CRACR2A: variants seen among roughly 807,000 people sequenced by gnomAD.
CRACR2A encodes the protein EF-hand calcium-binding domain-containing protein 4B.
Under a neutral mutation model 90.5 loss-of-function variants are expected in CRACR2A, and 79 were observed. That is an observed-to-expected ratio of 0.87 (90% CI 0.73 to 1.05). CRACR2A has a LOEUF of 1.05. CRACR2A is among the 50% of genes least tolerant of loss of function. The pLI is 0.00. For synonymous variants in CRACR2A, 338 were observed against 356.7 expected (o/e 0.95, Z 0.59); for missense variants, 823 against 897.2 (o/e 0.92, Z 1.06).
At chr12:3,748,761 C>A (rs1259307713) in intron 1 of CRACR2A, among the ~76,000 whole-genome samples, 2 of 152,206 alleles carry the variant, frequency 1.3e-5, no homozygotes, top group African/African-American at 2.4e-5. Context: ...GCACTGTGTA[C>A]AAGGTGTGGA....
At chr12:3,702,989 G>GT (rs755785759) in intron 3 of CRACR2A, among the ~76,000 whole-genome samples, 6 of 152,208 alleles carry the variant, frequency 3.9e-5, no homozygotes, top group Non-Finnish European at 7.3e-5. Flanking sequence ...ATAGACCCAT[G>GT]TATATAAATG....
intron 1 of CRACR2A, among the ~76,000 whole-genome samples, chr12:3,748,996 C>G (rs1438079891): frequency 2.0e-5 from 3 of 152,238 alleles, no homozygotes; most frequent in African/African-American, 7.2e-5. Context: ...ATAACGCTTA[C>G]AGTGCAGGCT....
chr12:3,640,692 T>C, intron 13 of CRACR2A: 1 of 1,305,420 alleles, frequency 7.7e-7, no homozygotes, highest in South Asian at 1.2e-5. Flanking sequence ...CCGCTTTGCA[T>C]ATCTTTTTCA....
intron 2 of CRACR2A, chr12:3,725,763 G>A (rs958442921): frequency 6.6e-6 from 1 of 152,202 alleles, no homozygotes; most frequent in African/African-American, 2.4e-5. Context: ...AATTAAATAA[G>A]TATTTTCTTT....
intron 15 of CRACR2A, among the ~76,000 whole-genome samples, chr12:3,628,012 TCCCTCC>T (rs1944298927): frequency 3.0e-5 from 2 of 66,338 alleles, no homozygotes; most frequent in African/African-American, 5.8e-5. Context: ...CCTCCCTCCC[TCCCTCC>T]CTCTCTCCTT....
At chr12:3,748,265 G>T (rs1029465622) in intron 1 of CRACR2A, among the ~76,000 whole-genome samples, 7 of 152,096 alleles carry the variant, frequency 4.6e-5, no homozygotes, top group Non-Finnish European at 8.8e-5. Flanking sequence ...GAGGCCCTTG[G>T]AATCTGAACC....
chr12:3,696,223 C>A (rs915913626), intron 4 of CRACR2A, among the ~76,000 whole-genome samples: 15 of 152,202 alleles, frequency 9.9e-5, no homozygotes, highest in African/African-American at 3.6e-4. Flanking sequence ...ATTCTCTGGA[C>A]CTTTATGAAA....
At position 3,677,456 on chromosome 12, in the gene CRACR2A, C is replaced by G. The variant is rs117560930; in HGVS notation, c.524+1459G>C. 1.6e-4 allele frequency among the ~76,000 whole-genome samples: 25 copies of G among 152,318 alleles called. No individual in the cohort carries two copies. In the East Asian group the frequency reaches 4.8e-3, roughly 29 times the overall value. ...GTTCTGCACTGCCTTACTATAGGTC[C>G]TCAGAGTCACGTCTGGTGGACTCTA... On this transcript the variant is annotated intron_variant, in intron 6 of 19. Transcript: ENST00000440314.
At chr12:3,725,852 T>G (rs779790575) in intron 2 of CRACR2A, 3 of 152,228 alleles carry the variant, frequency 2.0e-5, no homozygotes, top group Non-Finnish European at 2.9e-5. Context: ...CGGACAGTAC[T>G]TCATTGAAGA....
chr12:3,624,120 C>T (rs1414191633), intron 17 of CRACR2A, among the ~76,000 whole-genome samples: 3 of 152,208 alleles, frequency 2.0e-5, no homozygotes, highest in Admixed American at 6.5e-5. Context: ...TCTGTTCCCA[C>T]CCCACACAAC....
At chr12:3,659,455 G>A in intron 8 of CRACR2A, 109 bp downstream of exon 8, 1 of 815,122 alleles carries the variant, frequency 1.2e-6, no homozygotes, top group South Asian at 1.6e-5. Context: ...AGCAGAGAAA[G>A]AGGGAATCAA....
chr12:3,633,305 G>A lies in CRACR2A; in HGVS notation c.1735+299C>T, dbSNP rs1944406410. Among the ~76,000 whole-genome samples, 1 of 152,090 alleles carries A rather than the reference G, an allele frequency of 6.6e-6. No individual in the cohort carries two copies. Among genetic ancestry groups the A allele is most frequent in the Non-Finnish European group, 1.5e-5 (1 of 68,006 alleles). On this transcript the variant is annotated intron_variant, in intron 15 of 19. Transcript: ENST00000440314. The surrounding 1 kb of genome is among the most constrained non-coding windows in gnomAD (Gnocchi z 4.5). ...AGGAGGGGGTACTCATTGAAGAGGG[G>A]AAGGGGACCCAAATCTACCTTTACC... is the stretch of plus-strand genomic sequence containing the variant.
intron 6 of CRACR2A, among the ~76,000 whole-genome samples, chr12:3,677,997 C>T (rs1219544786): frequency 6.6e-6 from 1 of 152,168 alleles, no homozygotes; most frequent in Non-Finnish European, 1.5e-5. Flanking sequence ...TCATTTTCCA[C>T]CCTAGCCCCT....
At chr12:3,747,877 C>T (rs776301909) in intron 1 of CRACR2A, among the ~76,000 whole-genome samples, 4 of 151,900 alleles carry the variant, frequency 2.6e-5, no homozygotes, top group Admixed American at 6.6e-5. Context: ...TCCACAGGCT[C>T]AGGGGTGCAC....
At chr12:3,726,430 T>C (rs1946265758) in intron 2 of CRACR2A, 1 of 152,090 alleles carries the variant, frequency 6.6e-6, no homozygotes, top group Non-Finnish European at 1.5e-5. Flanking sequence ...TCCACCTACC[T>C]ATAATGGTTA....
intron 3 of CRACR2A, among the ~76,000 whole-genome samples, chr12:3,698,923 C>A (rs1448872365): frequency 6.6e-6 from 1 of 152,180 alleles, no homozygotes; most frequent in Non-Finnish European, 1.5e-5. Flanking sequence ...ACTCTGTCTG[C>A]AAGGTCTCTG....
chr12:3,678,151 T>C (rs1246458579), intron 6 of CRACR2A, among the ~76,000 whole-genome samples: 3 of 152,180 alleles, frequency 2.0e-5, no homozygotes, highest in Non-Finnish European at 4.4e-5. Flanking sequence ...TATTACATGC[T>C]TTTCAGGCCC....
At chr12:3,643,948 C>A (rs1944636273) in intron 12 of CRACR2A, among the ~76,000 whole-genome samples, 1 of 122,560 alleles carries the variant, frequency 8.2e-6, no homozygotes, top group East Asian at 2.4e-4. Context: ...GCAGAATGCA[C>A]TTTGGGGTTC....
intron 7 of CRACR2A, among the ~76,000 whole-genome samples, chr12:3,670,226 G>A (rs1296040285): frequency 3.9e-5 from 6 of 152,146 alleles, no homozygotes; most frequent in Non-Finnish European, 1.5e-5. Flanking sequence ...GTCGTGACTT[G>A]AGCTGTCATC....
Sources: allele counts gnomAD v4.1 joint callset (sites outside exome capture counted in the v4.1 genomes callset), GRCh38; gene constraint gnomAD v4.1.1; non-coding constraint Gnocchi (gnomAD v3.1); transcripts MANE v1.5; gene names NCBI Gene and HGNC (gene_info 2026-07-23, HGNC 2026-07-21).